ADGRV1: variants seen among roughly 807,000 people sequenced by gnomAD.
ADGRV1 encodes the protein adhesion G protein-coupled receptor V1, also known as G-protein coupled receptor 98.
Under a neutral mutation model 596.2 loss-of-function variants are expected in ADGRV1, and 359 were observed. The observed-to-expected ratio is 0.60, with a 90% CI of 0.55 to 0.66. ADGRV1 has a LOEUF of 0.66. Ranked by LOEUF, ADGRV1 falls within the 30% of genes least tolerant of loss-of-function variation. The probability of loss-of-function intolerance (pLI) is 0.00; values close to 1 mark genes in which losing one functional copy is unlikely to be tolerated. For synonymous variants in ADGRV1, 2,681 were observed against 2,679.2 expected (o/e 1.00, Z -0.02); for missense variants, 7,274 against 7,575.6 (o/e 0.96, Z 1.48).
intron 82 of ADGRV1, among the ~76,000 whole-genome samples, chr5:90,859,923 TAAA>T (rs575648968): frequency 1.7e-5 from 2 of 117,408 alleles, no homozygotes; most frequent in Non-Finnish European, 1.8e-5. Flanking sequence ...GTACAAAAAG[TAAA>T]AAAAAAAAAA....
At position 90,647,660 on chromosome 5, in the gene ADGRV1, T is replaced by C. The variant is rs1018814935; in HGVS notation, c.3185T>C (p.Ile1062Thr). Reference protein sequence around the residue: ...FIPVEKGETLIFEVGSRQQSI... With the variant: ...FIPVEKGETLTFEVGSRQQSI... ...CCTGTTGAAAAAGGAGAAACGCTCATTTTTGAGGTTGGAAGTAGACAGCAG... is the reference window on the plus strand; with the variant it reads ...CCTGTTGAAAAAGGAGAAACGCTCACTTTTGAGGTTGGAAGTAGACAGCAG... Residue 1062 changes from isoleucine (I) to threonine (T), a missense_variant, in exon 17 of 90, where the codon ATT becomes ACT. Around this residue, in one of 5 missense-constraint regions of ADGRV1, gnomAD observed 1,715 missense variants for 1,708.8 expected, o/e 1.00. Transcript: ENST00000405460. 2.5e-6 allele frequency: 4 copies of C among 1,613,840 alleles called. No homozygotes were observed. The highest frequency in any genetic ancestry group is 3.4e-6 in the Non-Finnish European group (4 of 1,179,856).
In ADGRV1 at chr5:90,756,680, T is replaced by G. The variant is rs754721417; in HGVS notation, c.11757+50T>G. On this transcript the variant is annotated intron_variant, in intron 56 of 89. Transcript: ENST00000405460. ...CAGTCATACAGAGGCCTCTCCCTGC[T>G]GATTTGGCCAGTGTTTTATGTTTAG... The G allele has an allele frequency of 5.5e-6, 8 of 1,459,000 alleles. No individual in the cohort carries two copies. In the South Asian group the frequency reaches 9.6e-5, roughly 18 times the overall value. 90.4% of individuals were successfully genotyped at this position (1,459,000 alleles called of 1,614,324 possible). A position where few individuals can be genotyped will look rare whatever the true frequency, so the allele number is the denominator to read the frequency against.
intron 50 of ADGRV1, among the ~76,000 whole-genome samples, chr5:90,742,882 G>A (rs753862655): frequency 1.7e-4 from 26 of 152,212 alleles, no homozygotes; most frequent in Non-Finnish European, 3.5e-4. Context: ...CCTAATTTCT[G>A]CAACTGGTGG....
intron 16 of ADGRV1, among the ~76,000 whole-genome samples, chr5:90,646,351 A>G (rs1767756158): frequency 6.6e-6 from 1 of 151,988 alleles, no homozygotes; most frequent in Non-Finnish European, 1.5e-5. Context: ...TGAAGCAAAA[A>G]GAAAATAAGT....
At chr5:90,650,237 A>G (rs1768394405) in intron 17 of ADGRV1, among the ~76,000 whole-genome samples, 1 of 152,236 alleles carries the variant, frequency 6.6e-6, no homozygotes, top group African/African-American at 2.4e-5. Flanking sequence ...GGATATGGCC[A>G]TCCTTCAAGC....
chr5:90,819,164 A>T (rs948856135), intron 75 of ADGRV1, among the ~76,000 whole-genome samples: 26 of 152,270 alleles, frequency 1.7e-4, no homozygotes, highest in African/African-American at 6.0e-4. Context: ...GTGTCAAGGA[A>T]TTTATCCATT....
At chr5:91,147,403 G>A (rs753573855) in intron 87 of ADGRV1, among the ~76,000 whole-genome samples, 12 of 152,078 alleles carry the variant, frequency 7.9e-5, no homozygotes, top group African/African-American at 1.4e-4. Context: ...CCCAAATCTC[G>A]CCTTGGATTG....
intron 66 of ADGRV1, among the ~76,000 whole-genome samples, 170 bp downstream of exon 66, chr5:90,783,495 G>A (rs1167476967): frequency 2.0e-5 from 3 of 151,228 alleles, no homozygotes; most frequent in Non-Finnish European, 4.4e-5. Context: ...GCTAGGAGAC[G>A]ATGTGGTTGC....
At position 90,757,235 on chromosome 5, in the gene ADGRV1, G is replaced by A. The variant is rs115034025; in HGVS notation, c.11940+74G>A. 435 of 1,221,116 alleles carry A rather than the reference G, an allele frequency of 3.6e-4. 2 individuals carry two copies. The African/African-American group carries it at 5.8e-3, about 16-fold the overall frequency. 75.6% of individuals were successfully genotyped at this position (1,221,116 alleles called of 1,614,324 possible). A position where few individuals can be genotyped will look rare whatever the true frequency, so the allele number is the denominator to read the frequency against. On this transcript the variant is annotated intron_variant, in intron 57 of 89. Coordinates refer to ENST00000405460, the MANE Select transcript of ADGRV1 (RefSeq NM_032119.4). ...TTTTGTAGGCATCCATCAAATGAAT[G>A]TACATTGGTGATTGCTAAATGCATT... is the stretch of plus-strand genomic sequence containing the variant.
intron 87 of ADGRV1, among the ~76,000 whole-genome samples, chr5:91,142,706 T>C (rs1226331401): frequency 6.6e-6 from 1 of 152,242 alleles, no homozygotes; most frequent in Non-Finnish European, 1.5e-5. Context: ...CCTGTACTTA[T>C]TTTACTCCTT....
chr5:90,810,539 C>A lies in ADGRV1; in HGVS notation c.15279C>A (p.Asn5093Lys). 1 of 1,613,648 alleles carries A rather than the reference C, an allele frequency of 6.2e-7. No individual in the cohort carries two copies. Among genetic ancestry groups the A allele is most frequent in the South Asian group, 1.1e-5 (1 of 91,072 alleles). ...AGATAGAAGAATTTTTTTACATTAA[C>A]CTTACTTCAGTAGAAATTAGGGGAT... ...LSEIEEFFYINLTSVEIRGLQ... is the reference protein window; with the variant it reads ...LSEIEEFFYIKLTSVEIRGLQ... The change falls in exon 74 of 90, where the codon AAC (asparagine) becomes AAA (lysine). Residue 5093 changes from asparagine to lysine, a missense_variant. Asn to Lys is a moderately conservative substitution (Grantham distance 94, BLOSUM62 0). Coordinates refer to ENST00000405460, the MANE Select transcript of ADGRV1 (RefSeq NM_032119.4).
chr5:91,035,879 A>ATATATATATATATATATC (rs1784870797), intron 85 of ADGRV1, among the ~76,000 whole-genome samples: 1 of 136,786 alleles, frequency 7.3e-6, no homozygotes, highest in Non-Finnish European at 1.6e-5. Context: ...ATATATATAT[A>ATATATATATATATATATC]TATCTTACAA....
At chr5:90,779,160 A>G (rs1026278575) in intron 64 of ADGRV1, 63 bp downstream of exon 64, 13 of 980,020 alleles carry the variant, frequency 1.3e-5, no homozygotes, top group Middle Eastern at 2.1e-4. Flanking sequence ...AGAAAGTTCT[A>G]TTGTGTAGAG....
chr5:90,868,004 A>G (rs761039406), intron 83 of ADGRV1, among the ~76,000 whole-genome samples: 4 of 152,308 alleles, frequency 2.6e-5, no homozygotes, highest in African/African-American at 7.2e-5. Context: ...ATTTATGATT[A>G]TATGTTAGTG....
At position 90,644,768 on chromosome 5, in the gene ADGRV1, A is replaced by T. The variant is rs1767489543; in HGVS notation, c.2797A>T (p.Ser933Cys). ...TGATGTTAGTGTATCATGGGTGGTTAGTCCAGACTTTACACAAGATGTATT... is the reference window on the plus strand; with the variant it reads ...TGATGTTAGTGTATCATGGGTGGTTTGTCCAGACTTTACACAAGATGTATT... ...FGDVSVSWVV[S>C]PDFTQDVFPV... Residue 933 changes from serine to cysteine, a missense_variant, in exon 15 of 90, where the codon AGT becomes TGT. Around this residue, in one of 5 missense-constraint regions of ADGRV1, gnomAD observed 1,715 missense variants for 1,708.8 expected, o/e 1.00. Coordinates refer to ENST00000405460, the MANE Select transcript of ADGRV1 (RefSeq NM_032119.4). The T allele has an allele frequency of 1.2e-6, 2 of 1,611,698 alleles. No homozygotes were observed. The highest frequency in any genetic ancestry group is 2.7e-5 in the African/African-American group (2 of 74,870).
chr5:91,147,772 A>G (rs559323273), intron 87 of ADGRV1, among the ~76,000 whole-genome samples: 77 of 152,316 alleles, frequency 5.1e-4, no homozygotes, highest in African/African-American at 1.8e-3. Flanking sequence ...CTATCCAAAA[A>G]TGTGGAAGCG....
chr5:90,664,567 A>T (rs931701754), intron 21 of ADGRV1, among the ~76,000 whole-genome samples: 2 of 132,218 alleles, frequency 1.5e-5, no homozygotes, highest in Admixed American at 1.6e-4. Context: ...AAACAGGGAC[A>T]ATTTGACTTC....
rs550006656 is a variant in ADGRV1, at chr5:90,823,213, C to A, written c.16197-212C>A. ...TTGAATGGAGTGTATTCAAAGAAAA[C>A]CACATAAGCCCTGAGGCTTAATCCT... On this transcript the variant is annotated intron_variant, in intron 75 of 89. Transcript: ENST00000405460. Among the ~76,000 whole-genome samples the A allele has an allele frequency of 5.3e-5, 8 of 152,234 alleles. No homozygotes were observed. The South Asian group carries it at 1.5e-3, about 28-fold the overall frequency.
At position 90,778,049 on chromosome 5, in the gene ADGRV1, A is replaced by G; in HGVS notation, c.12666+6A>G. ...CAGTCATTGTAGTAATACAGGTATC[A>G]ATATTAGCTGGTTTCTTTTATGCCC... On this transcript the variant is annotated splice_donor_region_variant and intron_variant, in intron 62 of 89. Transcript: ENST00000405460. The G allele has an allele frequency of 1.3e-6, 2 of 1,556,244 alleles. No homozygotes were observed. Among genetic ancestry groups the G allele is most frequent in the South Asian group, 1.2e-5 (1 of 84,542 alleles).
Sources: gnomAD v4.1 joint callset for allele counts (sites outside exome capture counted in the v4.1 genomes callset) on GRCh38, gnomAD v4.1.1 for gene constraint, gnomAD v4.1.1 regional missense constraint, MANE v1.5 for transcripts, NCBI Gene and HGNC (gene_info 2026-07-23, HGNC 2026-07-21) for gene names.